ZNF529: variants seen among roughly 807,000 people sequenced by gnomAD.
ZNF529 encodes the protein zinc finger protein 529.
A neutral mutation model predicts 10.1 loss-of-function variants in ZNF529; 11 were observed. The observed-to-expected ratio is 1.09, with a 90% CI of 0.69 to 1.81. ZNF529 has a LOEUF of 1.81. Ranked by LOEUF, ZNF529 falls within the 40% of genes most tolerant of loss-of-function variation. The probability of loss-of-function intolerance (pLI) is 0.00; values close to 1 mark genes in which losing one functional copy is unlikely to be tolerated. For synonymous variants in ZNF529, 204 were observed against 215.7 expected (o/e 0.95, Z 0.47); for missense variants, 624 against 666.8 (o/e 0.94, Z 0.71).
chr19:36,590,102 C>T (rs1157108775), intron 1 of ZNF529, among the ~76,000 whole-genome samples: 5 of 152,154 alleles, frequency 3.3e-5, no homozygotes, highest in African/African-American at 1.2e-4. Flanking sequence ...GGCATGGGGG[C>T]TCATATGTAT....
At chr19:36,576,648 C>T (rs7251026), upstream of ZNF529, among the ~76,000 whole-genome samples, 1,521 of 152,002 alleles carry the variant, frequency 0.01, 32 homozygotes, top group African/African-American at 0.035. Context: ...ACCCAGGAAG[C>T]GGCGTTTGCA....
upstream of ZNF529, chr19:36,605,527 AG>A (rs1475303556): frequency 1.3e-5 from 2 of 152,288 alleles, no homozygotes; most frequent in Non-Finnish European, 2.9e-5. Context: ...GATCTGTACG[AG>A]CCGGGCCTCG....
Position 36,546,960 on chromosome 19 carries a change from G to C in ZNF529, c.1598C>G (p.Pro533Arg). ...KHQRIHTDDK[P>R]YECKECGNSF... ...ATTCCCACACTCCTTACATTCATAG[G>C]GTTTATCATCAGTATGAATGCGCTG... The change falls in exon 5 of 5, where the codon CCC becomes CGC. Residue 533 changes from proline to arginine, a missense_variant. By Grantham distance (103) the Pro-to-Arg change is moderately radical. Transcript: ENST00000591340. 1 of 1,613,880 alleles carries C rather than the reference G, an allele frequency of 6.2e-7. No individual in the cohort carries two copies. Among genetic ancestry groups the C allele is most frequent in the East Asian group, 2.2e-5 (1 of 44,868 alleles).
chr19:36,566,847 C>T (rs1331091646), intron 2 of ZNF529, among the ~76,000 whole-genome samples: 1 of 151,934 alleles, frequency 6.6e-6, no homozygotes, highest in African/African-American at 2.4e-5. Context: ...TGGTAAAATC[C>T]CATCTCTACT....
chr19:36,548,421 G>C (rs2035136411), intron 4 of ZNF529, 99 bp from the exon 5 acceptor site: 1 of 1,141,464 alleles, frequency 8.8e-7, no homozygotes, highest in Admixed American at 3.0e-5. Context: ...ACATGAATTG[G>C]TTAAAATACT....
intron 1 of ZNF529, among the ~76,000 whole-genome samples, chr19:36,596,938 A>G (rs181117309): frequency 1.3e-5 from 2 of 152,168 alleles, no homozygotes; most frequent in African/African-American, 2.4e-5. Context: ...CAGTGGCTCA[A>G]TCACAGCTCA....
rs969564017 is a variant in ZNF529, at chr19:36,559,193, G to A, written c.15-2996C>T. Among the ~76,000 whole-genome samples the A allele has an allele frequency of 1.7e-4, 26 of 152,160 alleles. 1 individual carries two copies. The highest frequency in any genetic ancestry group is 6.3e-4 in the African/African-American group (26 of 41,438). On this transcript the variant is annotated intron_variant, in intron 2 of 4. Transcript: ENST00000591340. ...TTGTACACTGTCAGGGATGTAAATT[G>A]GTACAGTCCTTCTGAAAAAGAATAT... is the stretch of plus-strand genomic sequence containing the variant.
chr19:36,545,994 C>T lies in ZNF529; in HGVS notation c.*872G>A, dbSNP rs1371491662. ...TATTCCAATATAACACACATACACA[C>T]TATATATATATAGTGCCCAGTATAT... On this transcript the variant is annotated 3_prime_UTR_variant, in exon 5 of 5. Transcript: ENST00000591340. The T allele has an allele frequency of 1.3e-5, 2 of 149,112 alleles. No individual in the cohort carries two copies. The highest frequency in any genetic ancestry group is 4.9e-5 in the African/African-American group (2 of 40,668). The allele number at this position is 149,112 out of a possible 1,614,324, so 9.2% of individuals were successfully genotyped here.
chr19:36,579,222 G>A (rs941440274), intron 2 of ZNF529, among the ~76,000 whole-genome samples: 1 of 151,726 alleles, frequency 6.6e-6, no homozygotes, highest in Non-Finnish European at 1.5e-5. Flanking sequence ...AATACTACAC[G>A]TGTGAATTAG....
At chr19:36,578,379 C>T (rs2036386433) in intron 2 of ZNF529, among the ~76,000 whole-genome samples, 2 of 128,068 alleles carry the variant, frequency 1.6e-5, no homozygotes, top group Non-Finnish European at 3.1e-5. Context: ...GATCTCAGCT[C>T]ACTGCAAGCT....
chr19:36,595,613 C>G lies in ZNF529; in HGVS notation c.-127-5912G>C, dbSNP rs542480300. Among the ~76,000 whole-genome samples, 12 of 148,594 alleles carry G rather than the reference C, an allele frequency of 8.1e-5. No homozygotes were observed. The South Asian group carries it at 2.3e-3, about 29-fold the overall frequency. On this transcript the variant is annotated intron_variant, in intron 1 of 4. Transcript: ENST00000585960. ...TCTTGGAGGTTGAGCTACTTGAACA[C>G]CTGAGCCCAGGAGTTTGAGACTGCA...
chr19:36,592,177 T>C (rs2036733873), intron 1 of ZNF529, among the ~76,000 whole-genome samples: 2 of 146,958 alleles, frequency 1.4e-5, no homozygotes, highest in South Asian at 4.3e-4. Context: ...CCCAGTTACT[T>C]GGGAGGCTGA....
intron 1 of ZNF529, among the ~76,000 whole-genome samples, chr19:36,604,232 A>G (rs2036980563): frequency 6.6e-6 from 1 of 152,148 alleles, no homozygotes; most frequent in Non-Finnish European, 1.5e-5. Context: ...TGGGGCCTCA[A>G]TATCATATCT....
At chr19:36,549,761 T>G (rs1600246599) in intron 4 of ZNF529, among the ~76,000 whole-genome samples, 1 of 152,224 alleles carries the variant, frequency 6.6e-6, no homozygotes, top group Non-Finnish European at 1.5e-5. Context: ...TCCGCCGTCC[T>G]CCTAAAACCT....
At chr19:36,597,086 G>T (rs916660219) in intron 1 of ZNF529, among the ~76,000 whole-genome samples, 5 of 152,030 alleles carry the variant, frequency 3.3e-5, no homozygotes, top group African/African-American at 4.8e-5. Flanking sequence ...TGCCCAGGCT[G>T]GTCTCAAACT....
At chr19:36,580,260 T>C in intron 2 of ZNF529, 2 of 77,746 alleles carry the variant, frequency 2.6e-5, no homozygotes, top group South Asian at 7.2e-4. Context: ...GTTTTACAGT[T>C]ACTTTTTTTT....
intron 2 of ZNF529, among the ~76,000 whole-genome samples, chr19:36,570,360 C>CAAAAAAAAA (rs58429405): frequency 1.4e-5 from 1 of 70,584 alleles, no homozygotes; most frequent in Non-Finnish European, 2.8e-5. Context: ...GACCCTATCT[C>CAAAAAAAAA]AAAAAAAAAA....
intron 1 of ZNF529, among the ~76,000 whole-genome samples, chr19:36,596,586 C>T (rs1296288822): frequency 6.6e-6 from 1 of 151,798 alleles, no homozygotes; most frequent in Non-Finnish European, 1.5e-5. Flanking sequence ...GACTTGGTCT[C>T]AGCTCACCGC....
At chr19:36,593,256 C>T (rs1443155050) in intron 1 of ZNF529, among the ~76,000 whole-genome samples, 3 of 152,268 alleles carry the variant, frequency 2.0e-5, no homozygotes, top group East Asian at 3.9e-4. Context: ...GCTCACTGCA[C>T]CCTCGACCTC....
Sources: allele counts gnomAD v4.1 joint callset (sites outside exome capture counted in the v4.1 genomes callset), GRCh38; gene constraint gnomAD v4.1.1; transcripts MANE v1.5; gene names NCBI Gene and HGNC (gene_info 2026-07-23, HGNC 2026-07-21).